FEZ2: variants seen among roughly 807,000 people sequenced by gnomAD.
The protein encoded by FEZ2 is fasciculation and elongation protein zeta-2.
Under a neutral mutation model 40.4 loss-of-function variants are expected in FEZ2, and 51 were observed. The observed-to-expected ratio is 1.26, with a 90% CI of 1.01 to 1.59. FEZ2 has a LOEUF of 1.59. FEZ2 is among the 40% of genes most tolerant of loss of function. FEZ2 has a pLI of 0.00. For synonymous variants in FEZ2, 242 were observed against 172.0 expected, an observed-to-expected ratio of 1.41 and a Z score of -3.18; for missense variants, 640 against 438.3, an observed-to-expected ratio of 1.46 and a Z score of -4.11.
intron 1 of FEZ2, among the ~76,000 whole-genome samples, chr2:36,596,933 A>G (rs1477844507): frequency 6.6e-6 from 1 of 152,198 alleles, no homozygotes; most frequent in African/African-American, 2.4e-5. Flanking sequence ...ATTGCGGCTC[A>G]GGTGGTTTAA....
chr2:36,594,073 C>G (rs978619469), intron 1 of FEZ2, among the ~76,000 whole-genome samples: 1 of 151,972 alleles, frequency 6.6e-6, no homozygotes, highest in Non-Finnish European at 1.5e-5. Context: ...CAAAACATAA[C>G]AAGGGTCATC....
chr2:36,595,451 C>G (rs182056046), intron 1 of FEZ2, among the ~76,000 whole-genome samples: 2 of 152,104 alleles, frequency 1.3e-5, no homozygotes, highest in Non-Finnish European at 2.9e-5. Flanking sequence ...GTTCACGCTC[C>G]TATGAGAATC....
chr2:36,590,645 A>C, intron 2 of FEZ2: 1 of 389,556 alleles, frequency 2.6e-6, no homozygotes, highest in East Asian at 4.9e-5. Flanking sequence ...CAACAGAGTG[A>C]GACTCCGTCA....
intron 1 of FEZ2, among the ~76,000 whole-genome samples, chr2:36,597,006 C>G (rs1304378428): frequency 6.6e-6 from 1 of 152,146 alleles, no homozygotes; most frequent in African/African-American, 2.4e-5. Context: ...CGTGAACCTC[C>G]TATCATTGCT....
At chr2:36,573,711 T>C (rs939879107) in intron 5 of FEZ2, among the ~76,000 whole-genome samples, 11 of 152,228 alleles carry the variant, frequency 7.2e-5, no homozygotes, top group African/African-American at 2.7e-4. Flanking sequence ...CACAAGTATG[T>C]GTACCCTCAC....
At chr2:36,595,321 T>C (rs1669184747) in intron 1 of FEZ2, among the ~76,000 whole-genome samples, 3 of 151,954 alleles carry the variant, frequency 2.0e-5, no homozygotes, top group African/African-American at 7.3e-5. Context: ...CCTGAGCTTG[T>C]TTTCCTGCAA....
intron 5 of FEZ2, 56 bp from the exon 6 acceptor site, chr2:36,558,569 A>G: frequency 9.8e-7 from 1 of 1,015,862 alleles, no homozygotes; most frequent in South Asian, 1.7e-5. Flanking sequence ...TTATCTGCAA[A>G]AAATTTGATA....
At chr2:36,588,798 A>G (rs1011310428) in intron 2 of FEZ2, among the ~76,000 whole-genome samples, 3 of 150,632 alleles carry the variant, frequency 2.0e-5, no homozygotes, top group Non-Finnish European at 3.0e-5. Context: ...CAAGTTTTTT[A>G]ATCCACAGTT....
intron 2 of FEZ2, 120 bp from the exon 3 acceptor site, chr2:36,583,589 G>T (rs745464413): frequency 3.2e-6 from 2 of 627,882 alleles, no homozygotes; most frequent in African/African-American, 1.8e-5. Context: ...TCAAGAGGGA[G>T]AAATTATTAC....
At chr2:36,565,305 C>A (rs866405298) in intron 5 of FEZ2, among the ~76,000 whole-genome samples, 4 of 152,244 alleles carry the variant, frequency 2.6e-5, no homozygotes, top group Middle Eastern at 3.2e-3. Context: ...TCTTCCAAAA[C>A]AGACAAACCC....
chr2:36,561,036 C>T (rs1267912393), intron 5 of FEZ2, among the ~76,000 whole-genome samples: 1 of 152,244 alleles, frequency 6.6e-6, no homozygotes, highest in African/African-American at 2.4e-5. Flanking sequence ...AATGCTGTTG[C>T]TTCCATTTCT....
intron 2 of FEZ2, among the ~76,000 whole-genome samples, chr2:36,587,732 T>C (rs1277493972): frequency 6.6e-6 from 1 of 152,182 alleles, no homozygotes. Context: ...AAATTTTACA[T>C]AGCTTAGTCA....
At position 36,552,398 on chromosome 2, in the gene FEZ2, C is replaced by T. The variant is rs1203073431; in HGVS notation, c.*765G>A. 1.1e-5 allele frequency: 4 copies of T among 366,484 alleles called. No individual in the cohort carries two copies. Among genetic ancestry groups the T allele is most frequent in the Non-Finnish European group, 2.1e-5 (4 of 189,532 alleles). The allele number at this position is 366,484 out of a possible 1,614,324, so 22.7% of individuals were successfully genotyped here. On this transcript the variant is annotated 3_prime_UTR_variant, in exon 8 of 8. Transcript: ENST00000405912. ...ACACACAGGCATGAATAAAATAGGA[C>T]ACAGTAATGAGAATGGGCAGTTCTG...
intron 5 of FEZ2, among the ~76,000 whole-genome samples, chr2:36,575,297 G>A (rs1372173818): frequency 5.9e-5 from 9 of 151,634 alleles, no homozygotes; most frequent in African/African-American, 9.7e-5. Context: ...CAATCCTCTC[G>A]CCTCAGACTC....
At chr2:36,569,058 C>T (rs1462740677) in intron 5 of FEZ2, among the ~76,000 whole-genome samples, 1 of 152,102 alleles carries the variant, frequency 6.6e-6, no homozygotes, top group Non-Finnish European at 1.5e-5. Flanking sequence ...CATCCTCATT[C>T]CAATGCATGC....
intron 1 of FEZ2, chr2:36,591,312 T>C (rs1573032525): frequency 3.3e-6 from 1 of 302,870 alleles, no homozygotes; most frequent in Non-Finnish European, 6.2e-6. Flanking sequence ...GCAATTTACA[T>C]GTATTAACTC....
chr2:36,561,845 C>A (rs2125221805), intron 5 of FEZ2, among the ~76,000 whole-genome samples: 1 of 152,222 alleles, frequency 6.6e-6, no homozygotes, highest in African/African-American at 2.4e-5. Context: ...TTACCAGGCC[C>A]CAAGGGGCAG....
chr2:36,556,130 C>A, intron 6 of FEZ2: 1 of 435,454 alleles, frequency 2.3e-6, no homozygotes, highest in South Asian at 1.8e-5. Flanking sequence ...AAGAAAACCT[C>A]AGTGCTGCAG....
intron 5 of FEZ2, among the ~76,000 whole-genome samples, chr2:36,572,171 T>C (rs1488023358): frequency 6.6e-6 from 1 of 152,120 alleles, no homozygotes; most frequent in East Asian, 1.9e-4. Context: ...TAGAGAACAC[T>C]GGTCTACCTG....
Sources: gnomAD v4.1 joint callset for allele counts (sites outside exome capture counted in the v4.1 genomes callset) on GRCh38, gnomAD v4.1.1 for gene constraint, MANE v1.5 for transcripts, NCBI Gene and HGNC (gene_info 2026-07-23, HGNC 2026-07-21) for gene names.